Variants in TRPS1 observed in about 807,000 individuals in gnomAD.
The protein encoded by TRPS1 is transcriptional repressor GATA binding 1.
Under a neutral mutation model 101.2 loss-of-function variants are expected in TRPS1, and 6 were observed. The ratio of observed to expected loss-of-function variants is 0.06; its 90% confidence interval spans 0.03 to 0.12. The LOEUF (loss-of-function observed/expected upper bound fraction) is 0.12, where lower values mean the gene tolerates loss of function less well. Among genes scored for constraint, TRPS1 ranks in the 10% least tolerant of loss-of-function variants. The probability of loss-of-function intolerance (pLI) is 1.00; values close to 1 mark genes in which losing one functional copy is unlikely to be tolerated. For synonymous variants in TRPS1, 578 were observed against 589.8 expected (o/e 0.98, Z 0.29); for missense variants, 1,363 against 1,567.0 (o/e 0.87, Z 2.20).
rs1404848293 is a variant in TRPS1, at chr8:115,491,787, C to T, written c.2701-73335G>A. Among the ~76,000 whole-genome samples, 4 of 152,178 alleles carry T rather than the reference C, an allele frequency of 2.6e-5. No individual in the cohort carries two copies. In the East Asian group the frequency reaches 5.8e-4, roughly 22 times the overall value. On this transcript the variant is annotated intron_variant, in intron 5 of 6. Coordinates refer to ENST00000395715, the MANE Select transcript of TRPS1 (RefSeq NM_014112.5). ...TGCTGAGAACCTGTTAGCAACAAGG[C>T]CACTGGAATCATTACACAATGATAA...
Position 115,478,717 on chromosome 8 carries a change from T to C in TRPS1, c.2701-60265A>G, listed in dbSNP as rs1166427935. Among the ~76,000 whole-genome samples the C allele has an allele frequency of 3.3e-5, 5 of 151,616 alleles. No homozygotes were observed. The East Asian group carries it at 7.7e-4, about 23-fold the overall frequency. On this transcript the variant is annotated intron_variant, in intron 5 of 6. Coordinates refer to ENST00000395715, the MANE Select transcript of TRPS1 (RefSeq NM_014112.5). The stretch of plus-strand genomic sequence containing the variant: ...TACTTGGGTGGCTGAAGCAGAAGAA[T>C]TGCTTGAACCTGGGAGGAGAAGCCT...
At chr8:115,439,900 C>T (rs890079852) in intron 5 of TRPS1, among the ~76,000 whole-genome samples, 1 of 152,180 alleles carries the variant, frequency 6.6e-6, no homozygotes, top group South Asian at 2.1e-4. Context: ...TGTTTTCTGT[C>T]TTTTCATTCC....
chr8:115,462,082 G>A (rs1814194824), intron 5 of TRPS1, among the ~76,000 whole-genome samples: 1 of 152,070 alleles, frequency 6.6e-6, no homozygotes, highest in Non-Finnish European at 1.5e-5. Context: ...AACAGAGCAA[G>A]GCTTATGGCC....
At chr8:115,428,175 A>G (rs920849608) in intron 5 of TRPS1, among the ~76,000 whole-genome samples, 4 of 152,190 alleles carry the variant, frequency 2.6e-5, no homozygotes, top group Non-Finnish European at 4.4e-5. Context: ...GATATTTGGT[A>G]TCATTTTTAT....
At chr8:115,472,942 C>T (rs1042370011) in intron 5 of TRPS1, among the ~76,000 whole-genome samples, 2 of 152,178 alleles carry the variant, frequency 1.3e-5, no homozygotes, top group African/African-American at 4.8e-5. Flanking sequence ...CTTCATTGTC[C>T]ATATCACTAT....
At chr8:115,562,450 C>G (rs1481961960) in intron 5 of TRPS1, among the ~76,000 whole-genome samples, 1 of 149,578 alleles carries the variant, frequency 6.7e-6, no homozygotes, top group African/African-American at 2.5e-5. Flanking sequence ...AGAATTGTTC[C>G]CTCTTCTCTT....
chr8:115,573,793 T>C (rs928609207), intron 5 of TRPS1, among the ~76,000 whole-genome samples: 1 of 152,184 alleles, frequency 6.6e-6, no homozygotes, highest in African/African-American at 2.4e-5. Context: ...TAACTTTTCA[T>C]CAAGCTTTTC....
intron 5 of TRPS1, among the ~76,000 whole-genome samples, chr8:115,570,091 GATAT>G (rs542997597): frequency 2.0e-5 from 3 of 151,728 alleles, no homozygotes; most frequent in African/African-American, 4.8e-5. Flanking sequence ...AGAAAAAAGG[GATAT>G]ATATAGATAT....
At chr8:115,574,352 T>C (rs1321584115) in intron 5 of TRPS1, among the ~76,000 whole-genome samples, 2 of 152,146 alleles carry the variant, frequency 1.3e-5, no homozygotes, top group African/African-American at 2.4e-5. Context: ...AATACCAATA[T>C]ATTTAAATTC....
chr8:115,611,714 G>C (rs1249688852), intron 3 of TRPS1, among the ~76,000 whole-genome samples: 1 of 152,208 alleles, frequency 6.6e-6, no homozygotes. Context: ...AACAGCGAGA[G>C]TAAGACAATG....
chr8:115,541,669 G>C (rs951831744), intron 5 of TRPS1, among the ~76,000 whole-genome samples: 1 of 152,012 alleles, frequency 6.6e-6, no homozygotes, highest in Admixed American at 6.6e-5. Context: ...TCAATCTCAG[G>C]TTCCTCATTT....
rs1563706329 is a variant in TRPS1 at position 115,409,761 on chromosome 8, G to A, written c.*4262C>T. ...TTCTATCTTCTTCTCATTTGCAGTT[G>A]CCTGCTGATAGAATTCCACCTAACA... On this transcript the variant is annotated 3_prime_UTR_variant, in exon 7 of 7. Transcript: ENST00000395715. The A allele has an allele frequency of 2.0e-5, 3 of 152,128 alleles. No individual in the cohort carries two copies. Among genetic ancestry groups the A allele is most frequent in the Admixed American group, 6.6e-5 (1 of 15,238 alleles). The allele number at this position is 152,128 out of a possible 1,614,324, so 9.4% of individuals were successfully genotyped here.
chr8:115,638,788 A>G (rs1818828560), intron 1 of TRPS1, among the ~76,000 whole-genome samples: 1 of 152,202 alleles, frequency 6.6e-6, no homozygotes, highest in African/African-American at 2.4e-5. Context: ...CCACAGTAAT[A>G]TGTATAATTG....
intron 5 of TRPS1, among the ~76,000 whole-genome samples, chr8:115,506,286 G>T (rs1018469935): frequency 6.6e-6 from 1 of 152,018 alleles, no homozygotes; most frequent in Admixed American, 6.6e-5. Flanking sequence ...TCATATACTG[G>T]TTATCAAGAG....
chr8:115,509,357 T>C (rs1000303968), intron 5 of TRPS1, among the ~76,000 whole-genome samples: 5 of 152,008 alleles, frequency 3.3e-5, no homozygotes, highest in Non-Finnish European at 7.4e-5. Context: ...GTTGAGGCTA[T>C]GGAGACAGAT....
At chr8:115,595,984 T>G (rs1428713723) in intron 4 of TRPS1, among the ~76,000 whole-genome samples, 2 of 151,810 alleles carry the variant, frequency 1.3e-5, no homozygotes, top group African/African-American at 4.8e-5. Flanking sequence ...AGCAACTGAT[T>G]TATTAGGTAT....
chr8:115,617,342 T>C (rs1159599870), intron 3 of TRPS1, among the ~76,000 whole-genome samples: 1 of 152,204 alleles, frequency 6.6e-6, no homozygotes, highest in Non-Finnish European at 1.5e-5. Flanking sequence ...CAAACTCAGA[T>C]AGCTCACACA....
intron 5 of TRPS1, among the ~76,000 whole-genome samples, chr8:115,457,548 C>T (rs979539527): frequency 6.6e-6 from 1 of 151,910 alleles, no homozygotes; most frequent in Non-Finnish European, 1.5e-5. Flanking sequence ...GATGGTTGCA[C>T]AACATTAGGA....
intron 5 of TRPS1, among the ~76,000 whole-genome samples, chr8:115,537,777 T>C (rs117475145): frequency 2.9e-3 from 435 of 152,362 alleles, no homozygotes; most frequent in Non-Finnish European, 5.1e-3. Context: ...GGAACCTCAA[T>C]GTAATACGTA....
Sources: allele counts gnomAD v4.1 joint callset (sites outside exome capture counted in the v4.1 genomes callset), GRCh38; gene constraint gnomAD v4.1.1; transcripts MANE v1.5; gene names NCBI Gene and HGNC (gene_info 2026-07-23, HGNC 2026-07-21).